The following MPZL1 variants were observed in gnomAD, a reference collection of about 807,000 sequenced individuals.
MPZL1 encodes the protein myelin protein zero-like protein 1.
A neutral mutation model predicts 29.3 loss-of-function variants in MPZL1; 16 were observed. The ratio of observed to expected loss-of-function variants is 0.55; its 90% CI spans 0.37 to 0.83. The LOEUF is 0.83. MPZL1 is among the 40% of genes least tolerant of loss of function. The pLI is 0.00. For synonymous variants in MPZL1, 143 were observed against 132.0 expected (o/e 1.08, Z -0.57); for missense variants, 279 against 332.9 (o/e 0.84, Z 1.26).
intron 5 of MPZL1, among the ~76,000 whole-genome samples, chr1:167,782,367 T>C (rs1281523908): frequency 6.6e-6 from 1 of 152,186 alleles, no homozygotes; most frequent in Non-Finnish European, 1.5e-5. Context: ...ACGGTTTTTG[T>C]TTCTATATTT....
chr1:167,772,509 G>T (rs1246553548), intron 3 of MPZL1, 21 bp downstream of exon 3: 1 of 1,590,790 alleles, frequency 6.3e-7, no homozygotes, highest in Non-Finnish European at 8.6e-7. Context: ...GAGTATTTTG[G>T]CAGTAATAAT....
At position 167,725,492 on chromosome 1, in the gene MPZL1, T is replaced by C. The variant is rs1328533830; in HGVS notation, c.91+3250T>C. Among the ~76,000 whole-genome samples, 9 of 152,188 alleles carry C rather than the reference T, an allele frequency of 5.9e-5. 1 individual carries two copies. The South Asian group carries it at 1.9e-3, about 32-fold the overall frequency. On this transcript the variant is annotated intron_variant, in intron 1 of 5. Transcript: ENST00000359523. Reference sequence around the variant, plus strand: ...TTTATTTTTAAATTTATTTTATTTATTTATTTTTTGGGGGATGGAGTCTCG... The same window carrying C: ...TTTATTTTTAAATTTATTTTATTTACTTATTTTTTGGGGGATGGAGTCTCG...
At chr1:167,728,459 C>T (rs908963430) in intron 1 of MPZL1, among the ~76,000 whole-genome samples, 2 of 147,558 alleles carry the variant, frequency 1.4e-5, no homozygotes, top group Admixed American at 6.8e-5. Context: ...CCACCCGCCT[C>T]GGCCTCCCAA....
At chr1:167,754,597 G>A (rs571404728) in intron 1 of MPZL1, among the ~76,000 whole-genome samples, 15 of 152,196 alleles carry the variant, frequency 9.9e-5, no homozygotes, top group Non-Finnish European at 1.9e-4. Context: ...TCATGCATGT[G>A]CACTAATAAT....
intron 1 of MPZL1, among the ~76,000 whole-genome samples, chr1:167,724,378 A>T (rs543810790): frequency 6.6e-6 from 1 of 152,306 alleles, no homozygotes; most frequent in Admixed American, 6.5e-5. Flanking sequence ...TTCTCTGTCT[A>T]TTGAGATGTG....
chr1:167,777,692 G>C (rs1661400920), intron 5 of MPZL1, among the ~76,000 whole-genome samples: 2 of 152,150 alleles, frequency 1.3e-5, no homozygotes, highest in South Asian at 4.1e-4. Context: ...GAAACCAGGG[G>C]AAGAACTACC....
intron 1 of MPZL1, among the ~76,000 whole-genome samples, chr1:167,743,093 C>G (rs1660568360): frequency 6.6e-6 from 1 of 151,820 alleles, no homozygotes; most frequent in East Asian, 1.9e-4. Flanking sequence ...TATGCAGGCT[C>G]TTTTTTGGTT....
intron 1 of MPZL1, among the ~76,000 whole-genome samples, chr1:167,753,801 C>T (rs943361204): frequency 1.3e-5 from 2 of 151,672 alleles, no homozygotes; most frequent in African/African-American, 2.4e-5. Context: ...GGCTAATTTT[C>T]GTATTTTTAG....
chr1:167,765,525 G>T (rs746616122), intron 1 of MPZL1, 58 bp from the exon 2 acceptor site: 15 of 1,433,732 alleles, frequency 1.0e-5, no homozygotes, highest in Non-Finnish European at 1.4e-5. Flanking sequence ...TGGCAAAAAT[G>T]CACAGTGGTA....
intron 4 of MPZL1, 71 bp from the exon 5 acceptor site, chr1:167,775,993 C>G (rs1357067422): frequency 2.8e-6 from 3 of 1,067,126 alleles, no homozygotes; most frequent in Non-Finnish European, 2.6e-6. Context: ...AGTTGCATTT[C>G]TATATTTTTG....
intron 1 of MPZL1, among the ~76,000 whole-genome samples, chr1:167,744,449 C>T (rs1473511601): frequency 1.3e-5 from 2 of 152,020 alleles, no homozygotes; most frequent in Non-Finnish European, 2.9e-5. Context: ...TTTGGGAGGC[C>T]AAGACGGGTG....
intron 1 of MPZL1, among the ~76,000 whole-genome samples, chr1:167,735,188 C>T (rs1423692105): frequency 2.0e-5 from 3 of 152,182 alleles, no homozygotes; most frequent in African/African-American, 4.8e-5. Context: ...CAACAAATCT[C>T]ATTATACTCA....
chr1:167,738,912 G>C (rs147379403), intron 1 of MPZL1, among the ~76,000 whole-genome samples: 815 of 152,156 alleles, frequency 5.4e-3, no homozygotes, highest in Admixed American at 6.7e-3. Context: ...TTTCTTTATA[G>C]TAATGTGAGA....
intron 1 of MPZL1, among the ~76,000 whole-genome samples, chr1:167,722,701 T>C (rs1449692462): frequency 6.6e-6 from 1 of 152,244 alleles, no homozygotes; most frequent in Non-Finnish European, 1.5e-5. Flanking sequence ...GTAGGGCCTT[T>C]GTTGATTTGT....
chr1:167,781,844 A>G (rs566425025), intron 5 of MPZL1, among the ~76,000 whole-genome samples: 19 of 152,252 alleles, frequency 1.2e-4, no homozygotes, highest in South Asian at 2.1e-4. Flanking sequence ...CTATTTAATT[A>G]TAGATTATCC....
In MPZL1 at chr1:167,787,903, G is replaced by A. The variant is rs200004895; in HGVS notation, c.792G>A (p.Ala264=). The stretch of plus-strand genomic sequence containing the variant: ...ACAAGTCAGAGTCTGTGGTGTATGC[G>A]GATATCCGAAAGAATTAAGAGAATA... ...KINKSESVVY[A]DIRKN is the part of the protein sequence containing the mutation. The change falls in exon 6 of 6, where the codon GCG becomes GCA. Residue 264 remains alanine (A), a synonymous_variant. Transcript: ENST00000359523. 32 of 1,611,802 alleles carry A rather than the reference G, an allele frequency of 2.0e-5. No homozygotes were observed. In the African/African-American group the frequency reaches 2.5e-4, roughly 13 times the overall value.
Position 167,771,584 on chromosome 1 carries a change from C to G in MPZL1, c.259-691C>G, listed in dbSNP as rs570040491. 2.6e-5 allele frequency among the ~76,000 whole-genome samples: 4 copies of G among 151,994 alleles called. No homozygotes were observed. The South Asian group carries it at 8.3e-4, about 32-fold the overall frequency. On this transcript the variant is annotated intron_variant, in intron 2 of 5. Transcript: ENST00000359523. ...AGATTGCACAGCGGCCAGGCAGAGG[C>G]GCTCCTCACTTCCCAGACGGGGTGG...
intron 1 of MPZL1, among the ~76,000 whole-genome samples, chr1:167,746,391 T>C (rs1029333092): frequency 1.3e-5 from 2 of 151,002 alleles, no homozygotes; most frequent in African/African-American, 2.4e-5. Flanking sequence ...GAGTTGAGGC[T>C]GTCTTGGCAT....
intron 1 of MPZL1, among the ~76,000 whole-genome samples, chr1:167,729,840 CTG>C (rs1188062817): frequency 6.6e-6 from 1 of 152,168 alleles, no homozygotes; most frequent in Non-Finnish European, 1.5e-5. Context: ...CCTCACAGCT[CTG>C]TGCAATAATT....
Sources: gnomAD v4.1 joint callset for allele counts (sites outside exome capture counted in the v4.1 genomes callset) on GRCh38, gnomAD v4.1.1 for gene constraint, MANE v1.5 for transcripts, NCBI Gene and HGNC (gene_info 2026-07-23, HGNC 2026-07-21) for gene names.